KIF21B: variants seen among roughly 807,000 people sequenced by gnomAD.
KIF21B encodes kinesin family member 21B, also known as kinesin-like protein KIF21B.
Under a neutral mutation model 192.9 loss-of-function variants are expected in KIF21B, and 85 were observed. The ratio of observed to expected loss-of-function variants is 0.44; its 90% CI spans 0.37 to 0.53. The LOEUF (loss-of-function observed/expected upper bound fraction) is 0.53, where lower values mean the gene tolerates loss of function less well. KIF21B is among the 20% of genes least tolerant of loss of function. The pLI, the probability that KIF21B is intolerant of heterozygous loss-of-function variation, is 0.00. For synonymous variants in KIF21B, 832 were observed against 884.6 expected, an observed-to-expected ratio of 0.94 and a Z score of 1.05; for missense variants, 1,716 against 2,194.8, an observed-to-expected ratio of 0.78 and a Z score of 4.36.
intron 3 of KIF21B, among the ~76,000 whole-genome samples, chr1:201,007,516 A>G (rs968939184): frequency 2.0e-5 from 3 of 151,740 alleles, no homozygotes; most frequent in African/African-American, 7.3e-5. Flanking sequence ...AGACATACAC[A>G]CACAGAGACA....
At chr1:200,996,973 C>T (rs1322801946) in intron 14 of KIF21B, among the ~76,000 whole-genome samples, 2 of 152,182 alleles carry the variant, frequency 1.3e-5, no homozygotes, top group Non-Finnish European at 2.9e-5. Flanking sequence ...CTCTCCCTCA[C>T]ATCTACCTCC....
chr1:200,991,798 T>G, intron 16 of KIF21B, 73 bp from the exon 17 acceptor site: 1 of 1,470,276 alleles, frequency 6.8e-7, no homozygotes, highest in Non-Finnish European at 9.4e-7. Flanking sequence ...ACAGGCTGGC[T>G]AGCCCTGTAG....
At chr1:201,001,950 G>A (rs536247788) in intron 9 of KIF21B, 3 of 590,814 alleles carry the variant, frequency 5.1e-6, no homozygotes, top group Admixed American at 3.0e-5. Flanking sequence ...ATATAGTGAT[G>A]TATTGTTTGC....
At position 200,990,189 on chromosome 1, in the gene KIF21B, A is replaced by G. The variant is rs752046528; in HGVS notation, c.2979T>C (p.Asn993=). ...TGGCCTGGCAGTCGGTGATGCCGTC[A>G]TTGATGTAGTCAATGTTGGCTGCCA... ...EVLAANIDYI[N]DGITDCQATI... Residue 993 remains asparagine, a synonymous_variant, in exon 20 of 35, where the codon AAT becomes AAC. Transcript: ENST00000461742. The surrounding 1 kb of genome is among the most constrained non-coding windows in gnomAD (Gnocchi z 5.4). 2 of 1,614,098 alleles carry G rather than the reference A, an allele frequency of 1.2e-6. No homozygotes were observed. Among genetic ancestry groups the G allele is most frequent in the South Asian group, 1.1e-5 (1 of 91,080 alleles).
At chr1:200,989,376 T>C (rs1450882342) in intron 21 of KIF21B, among the ~76,000 whole-genome samples, 2 of 151,648 alleles carry the variant, frequency 1.3e-5, no homozygotes, top group Non-Finnish European at 2.9e-5. Flanking sequence ...GGCGGCAGAG[T>C]CTCCTGCCTC....
chr1:201,002,092 G>A (rs1017341410), intron 9 of KIF21B, 69 bp downstream of exon 9: 115 of 1,355,960 alleles, frequency 8.5e-5, no homozygotes, highest in Non-Finnish European at 1.1e-4. Flanking sequence ...TGATACTCTG[G>A]GGTGGATGTC....
chr1:200,979,715 T>C lies in KIF21B; in HGVS notation c.3980A>G (p.Asp1327Gly), dbSNP rs1655792268. 6.6e-7 allele frequency: 1 copy of C among 1,514,412 alleles called. No individual in the cohort carries two copies. The highest frequency in any genetic ancestry group is 8.9e-7 in the Non-Finnish European group (1 of 1,126,424). 93.8% of individuals were successfully genotyped at this position (1,514,412 alleles called of 1,614,324 possible). A position where few individuals can be genotyped will look rare whatever the true frequency, so the allele number is the denominator to read the frequency against. ...CAAGTTCCACATCTTGCAGCTTCGG[T>C]CTGTGAGAGATGGGAGGAAGCCACA... ...TDELLFTGSK[D>G]RSCKMWNLVT... The change falls in exon 30 of 35, where the codon GAC (aspartate) becomes GGC (glycine). Residue 1327 changes from aspartate to glycine, a missense_variant and splice_region_variant. Physicochemically the swap from Asp to Gly is moderately conservative, Grantham distance 94. Transcript: ENST00000461742.
At chr1:200,991,872 G>A (rs1247389354) in intron 16 of KIF21B, 147 bp from the exon 17 acceptor site, 1 of 814,674 alleles carries the variant, frequency 1.2e-6, no homozygotes, top group Non-Finnish European at 1.9e-6. Flanking sequence ...GGGACCCAGG[G>A]TTGAGCTCCC....
intron 1 of KIF21B, among the ~76,000 whole-genome samples, chr1:201,015,439 CT>C (rs1247173097): frequency 1.3e-5 from 2 of 152,370 alleles, no homozygotes; most frequent in Admixed American, 1.3e-4. Context: ...TATAAGACCC[CT>C]GATGCCTTTC....
In KIF21B at chr1:200,983,189, G is replaced by C. The variant is rs1021850330; in HGVS notation, c.3804-95C>G. On this transcript the variant is annotated intron_variant, in intron 27 of 34. Coordinates refer to ENST00000461742, the MANE Select transcript of KIF21B (RefSeq NM_001252102.2). ...CAGCAGTGTGTGGGGTGGTCAGAGG[G>C]CAGGTTATTCTCTTCCAGCGGAGCA... The C allele has an allele frequency of 1.8e-5, 19 of 1,061,680 alleles. No individual in the cohort carries two copies. The East Asian group carries it at 1.8e-4, about 10-fold the overall frequency. 65.8% of individuals were successfully genotyped at this position (1,061,680 alleles called of 1,614,324 possible).
intron 3 of KIF21B, among the ~76,000 whole-genome samples, chr1:201,007,658 G>A (rs1481540913): frequency 4.5e-5 from 5 of 110,520 alleles, no homozygotes; most frequent in Admixed American, 1.8e-4. Context: ...ACACAGACGC[G>A]CACACAGAGA....
At chr1:201,003,320 A>G (rs1657606436) in intron 8 of KIF21B, 2 of 534,240 alleles carry the variant, frequency 3.7e-6, no homozygotes, top group Non-Finnish European at 6.8e-6. Flanking sequence ...TCTATGCAAC[A>G]AAAGCTGGGG....
At position 200,998,929 on chromosome 1, in the gene KIF21B, G is replaced by A. The variant is rs1399627010; in HGVS notation, c.1886-354C>T. Among the ~76,000 whole-genome samples, 1 of 152,154 alleles carries A rather than the reference G, an allele frequency of 6.6e-6. No individual in the cohort carries two copies. The highest frequency in any genetic ancestry group is 1.5e-5 in the Non-Finnish European group (1 of 68,036). On this transcript the variant is annotated intron_variant, in intron 13 of 34. Coordinates refer to ENST00000461742, the MANE Select transcript of KIF21B (RefSeq NM_001252102.2). The surrounding 1 kb of genome is among the most constrained non-coding windows in gnomAD (Gnocchi z 4.3). ...AACTTACAGGGCTAGGGCCAGGGCT[G>A]GCAGCAGGCAGGGCTGAAGGGGCAG...
chr1:200,980,787 T>C (rs1655858061), intron 29 of KIF21B, among the ~76,000 whole-genome samples, 173 bp downstream of exon 29: 1 of 152,208 alleles, frequency 6.6e-6, no homozygotes, highest in Non-Finnish European at 1.5e-5. Context: ...CAAGGATGCA[T>C]GGGATGGGGG....
At position 200,990,540 on chromosome 1, in the gene KIF21B, G is replaced by A; in HGVS notation, c.2835+36C>T. On this transcript the variant is annotated intron_variant, in intron 19 of 34. Transcript: ENST00000461742. This position sits in a 1 kb window ranked among gnomAD's most constrained non-coding sequence, Gnocchi z 5.4. ...TGGAGGTGTCAGAGGACAGGCAGAG[G>A]GGTGGAATGGAAGAGAAGGGGGAGG... The A allele has an allele frequency of 6.2e-7, 1 of 1,607,004 alleles. No individual in the cohort carries two copies. Among genetic ancestry groups the A allele is most frequent in the Non-Finnish European group, 8.5e-7 (1 of 1,175,804 alleles).
intron 1 of KIF21B, among the ~76,000 whole-genome samples, chr1:201,021,451 G>C (rs1214935580): frequency 6.6e-6 from 1 of 152,178 alleles, no homozygotes; most frequent in Admixed American, 6.5e-5. Flanking sequence ...CAAGGCGTGG[G>C]GGCACCCAGA....
At position 201,005,288 on chromosome 1, in the gene KIF21B, GC is replaced by G; in HGVS notation, c.732+19del. ...ACCCCTGCAGCAAGCTGGCTCCTGG[GC>G]CCCCTGCAGGCTCCTCACCAGGTCG... On this transcript the variant is annotated intron_variant, in intron 5 of 34. Coordinates refer to ENST00000461742, the MANE Select transcript of KIF21B (RefSeq NM_001252102.2). 1.3e-6 allele frequency: 2 copies of G among 1,558,326 alleles called. No individual in the cohort carries two copies. The highest frequency in any genetic ancestry group is 8.7e-7 in the Non-Finnish European group (1 of 1,153,010).
intron 15 of KIF21B, 98 bp from the exon 16 acceptor site, chr1:200,992,487 T>C: frequency 1.6e-6 from 2 of 1,259,950 alleles, no homozygotes; most frequent in Non-Finnish European, 2.3e-6. Flanking sequence ...GGGGCAGGGA[T>C]AGTGGCTAGC....
chr1:200,977,087 A>G (rs576403577), intron 31 of KIF21B, 125 bp downstream of exon 31: 69 of 1,182,960 alleles, frequency 5.8e-5, no homozygotes, highest in Admixed American at 5.7e-4. Flanking sequence ...CAGGCCCAGC[A>G]GCATGGGGGG....
Sources: gnomAD v4.1 joint callset for allele counts (sites outside exome capture counted in the v4.1 genomes callset) on GRCh38, gnomAD v4.1.1 for gene constraint, Gnocchi (gnomAD v3.1) non-coding constraint, MANE v1.5 for transcripts, NCBI Gene and HGNC (gene_info 2026-07-23, HGNC 2026-07-21) for gene names.